The following LYRM4 variants were observed in gnomAD, a reference collection of about 807,000 sequenced individuals.
LYRM4 encodes the protein LYR motif-containing protein 4.
In LYRM4, 9 loss-of-function variants were observed where a neutral mutation model predicts 11.7. The observed-to-expected ratio is 0.77, with a 90% CI of 0.46 to 1.34. The LOEUF is 1.34. LYRM4 is among the 40% of genes most tolerant of loss of function. The probability of loss-of-function intolerance (pLI) is 0.00; values close to 1 mark genes in which losing one functional copy is unlikely to be tolerated. For missense variants in LYRM4, 133 were observed against 112.5 expected (o/e 1.18, Z -0.82); for synonymous variants, 42 against 40.4 (o/e 1.04, Z -0.15).
At chr6:5,059,216 A>T in the LYRM4 span, among the ~76,000 whole-genome samples, 3 of 151,816 alleles carry the variant, frequency 2.0e-5, no homozygotes, top group Non-Finnish European at 4.4e-5. Context: ...TGGCACACAC[A>T]TGTAGTCTTA....
chr6:5,143,844 C>T (rs569664553), intron 2 of LYRM4, among the ~76,000 whole-genome samples: 1 of 152,262 alleles, frequency 6.6e-6, no homozygotes, highest in South Asian at 2.1e-4. Flanking sequence ...CACTGGCTGC[C>T]GGGTTCTCAA....
intron 2 of LYRM4, among the ~76,000 whole-genome samples, chr6:5,191,376 G>GAA (rs1760744028): frequency 6.6e-6 from 1 of 152,182 alleles, no homozygotes. Context: ...AAGTCCTTTT[G>GAA]ATGCCAGACT....
chr6:5,161,864 G>A (rs557340814), intron 2 of LYRM4, among the ~76,000 whole-genome samples: 4 of 152,286 alleles, frequency 2.6e-5, no homozygotes, highest in African/African-American at 7.2e-5. Context: ...TCTCTCTGCT[G>A]AGATAACACT....
chr6:5,222,550 A>T (rs932128154), intron 1 of LYRM4, among the ~76,000 whole-genome samples: 1 of 152,142 alleles, frequency 6.6e-6, no homozygotes, highest in African/African-American at 2.4e-5. Context: ...AAAGGGCCCA[A>T]GGGGACTGGT....
chr6:5,120,253 G>C (rs1270829718), intron 2 of LYRM4, among the ~76,000 whole-genome samples: 1 of 152,138 alleles, frequency 6.6e-6, no homozygotes, highest in Non-Finnish European at 1.5e-5. Context: ...AGCTAGCAGT[G>C]GTTCTCATCT....
chr6:5,031,956 T>C, the LYRM4 span: 1 of 152,216 alleles, frequency 6.6e-6, no homozygotes, highest in Admixed American at 6.5e-5. Flanking sequence ...ATGAGAGGCA[T>C]ATTTTTCTAC....
intron 1 of LYRM4, among the ~76,000 whole-genome samples, chr6:5,258,320 T>C (rs1238619194): frequency 6.6e-6 from 1 of 152,280 alleles, no homozygotes; most frequent in Non-Finnish European, 1.5e-5. Context: ...ACTAGTCTGC[T>C]TTTGATTGCT....
chr6:5,086,317 G>A, the LYRM4 span: 1 of 1,535,750 alleles, frequency 6.5e-7, no homozygotes, highest in East Asian at 2.4e-5. Context: ...ACAGCAGCCA[G>A]AGGCACCGTC....
intron 1 of LYRM4, among the ~76,000 whole-genome samples, chr6:5,227,966 C>T (rs1210737326): frequency 1.3e-5 from 2 of 152,116 alleles, no homozygotes; most frequent in African/African-American, 2.4e-5. Flanking sequence ...GGGAACATCA[C>T]ACACCAGGAC....
intron 1 of LYRM4, among the ~76,000 whole-genome samples, chr6:5,231,228 C>A (rs370052351): frequency 5.9e-5 from 9 of 151,904 alleles, no homozygotes; most frequent in Admixed American, 2.0e-4. Flanking sequence ...CCAAAAAAAA[C>A]CCCACAAAAA....
chr6:5,037,748 C>T, the LYRM4 span, among the ~76,000 whole-genome samples: 1 of 53,042 alleles, frequency 1.9e-5, no homozygotes, highest in Non-Finnish European at 4.7e-5. Flanking sequence ...CTCCTCACTT[C>T]CCAGTAGGGG....
chr6:5,203,872 G>A (rs1477709415), intron 2 of LYRM4, among the ~76,000 whole-genome samples: 1 of 152,200 alleles, frequency 6.6e-6, no homozygotes, highest in Admixed American at 6.5e-5. Context: ...AAGTGGGAAC[G>A]TCTCCATCAG....
chr6:5,154,229 G>T (rs1758254051), intron 2 of LYRM4, among the ~76,000 whole-genome samples: 2 of 152,116 alleles, frequency 1.3e-5, no homozygotes, highest in African/African-American at 4.8e-5. Flanking sequence ...AATCTTACAA[G>T]TTCATAAAAT....
intron 1 of LYRM4, among the ~76,000 whole-genome samples, chr6:5,247,983 ATTAAG>A (rs1410801244): frequency 2.6e-5 from 4 of 152,222 alleles, no homozygotes. Flanking sequence ...AGGGCTACAC[ATTAAG>A]TTAACACCCA....
At chr6:5,161,525 T>C (rs1438915175) in intron 2 of LYRM4, among the ~76,000 whole-genome samples, 2 of 152,212 alleles carry the variant, frequency 1.3e-5, no homozygotes, top group Admixed American at 6.5e-5. Flanking sequence ...TATTAAAATA[T>C]ACCTATTATT....
At chr6:5,040,391 A>G in the LYRM4 span, among the ~76,000 whole-genome samples, 1 of 151,512 alleles carries the variant, frequency 6.6e-6, no homozygotes, top group African/African-American at 2.4e-5. Flanking sequence ...ATACATACAT[A>G]CATAAAGAAA....
the LYRM4 span, among the ~76,000 whole-genome samples, chr6:5,043,722 A>G: frequency 2.0e-5 from 3 of 151,862 alleles, no homozygotes; most frequent in East Asian, 5.8e-4. Flanking sequence ...CCAGGGGCGC[A>G]CTTTTCAAAT....
intron 2 of LYRM4, among the ~76,000 whole-genome samples, chr6:5,123,567 T>G (rs1004147420): frequency 2.6e-5 from 4 of 152,200 alleles, no homozygotes; most frequent in Non-Finnish European, 5.9e-5. Flanking sequence ...GGCCTTGTGG[T>G]CAGAAGTTGA....
At chr6:5,099,391 CTCTA>C (rs58771475), downstream of LYRM4, among the ~76,000 whole-genome samples, 728 of 145,552 alleles carry the variant, frequency 5.0e-3, 4 homozygotes, top group Non-Finnish European at 6.6e-3. This position sits in a 1 kb window ranked among gnomAD's most constrained non-coding sequence, Gnocchi z 4.3. Flanking sequence ...AAATCTATTT[CTCTA>C]TCTATCTATC....
Sources: allele counts gnomAD v4.1 joint callset (sites outside exome capture counted in the v4.1 genomes callset), GRCh38; gene constraint gnomAD v4.1.1; non-coding constraint Gnocchi (gnomAD v3.1); transcripts MANE v1.5; gene names NCBI Gene and HGNC (gene_info 2026-07-23, HGNC 2026-07-21).